ARNT: variants seen among roughly 807,000 people sequenced by gnomAD.
The protein encoded by ARNT is class E basic helix-loop-helix protein 2.
In ARNT, 30 loss-of-function variants were observed where a neutral mutation model predicts 105.0. That is an observed-to-expected ratio of 0.29 (90% CI 0.21 to 0.39). The LOEUF (loss-of-function observed/expected upper bound fraction) is 0.39. Among genes scored for constraint, ARNT ranks in the 10% least tolerant of loss-of-function variants. The probability of loss-of-function intolerance (pLI) is 1.00; values close to 1 mark genes in which losing one functional copy is unlikely to be tolerated. For synonymous variants in ARNT, 304 were observed against 344.0 expected (o/e 0.88, Z 1.29); for missense variants, 748 against 978.7 (o/e 0.76, Z 3.15).
At chr1:150,871,174 C>T (rs1276992502) in intron 1 of ARNT, among the ~76,000 whole-genome samples, 1 of 151,914 alleles carries the variant, frequency 6.6e-6, no homozygotes, top group Admixed American at 6.6e-5. Flanking sequence ...ACTTAATTAT[C>T]CACTCCTTTC....
At chr1:150,845,107 G>A (rs369648560) in intron 4 of ARNT, among the ~76,000 whole-genome samples, 17 of 151,842 alleles carry the variant, frequency 1.1e-4, no homozygotes, top group Admixed American at 2.0e-4. Context: ...ACCACTCCCC[G>A]CCTCTTACTG....
chr1:150,823,792 C>T (rs1657616364), intron 13 of ARNT, among the ~76,000 whole-genome samples: 1 of 150,136 alleles, frequency 6.7e-6, no homozygotes, highest in South Asian at 2.1e-4. Context: ...CCTTGTGATC[C>T]GCCCGCCTCG....
At chr1:150,830,792 G>A (rs1255271409) in intron 10 of ARNT, among the ~76,000 whole-genome samples, 1 of 152,020 alleles carries the variant, frequency 6.6e-6, no homozygotes, top group Non-Finnish European at 1.5e-5. Flanking sequence ...CCTGTTTTTT[G>A]CATAGTTATA....
Position 150,816,414 on chromosome 1 carries a change from T to A in ARNT, c.1803-8A>T. On this transcript the variant is annotated splice_region_variant and splice_polypyrimidine_tract_variant and intron_variant, in intron 18 of 21. Coordinates refer to ENST00000358595, the MANE Select transcript of ARNT (RefSeq NM_001668.4). ...GGGGCTAGGCCACTATTCCTAGGAG[T>A]GAATAAATGAGGTAAAAGATTAAAA... The A allele has an allele frequency of 6.3e-7, 1 of 1,594,704 alleles. No homozygotes were observed. Among genetic ancestry groups the A allele is most frequent in the Non-Finnish European group, 8.5e-7 (1 of 1,174,044 alleles).
Position 150,814,202 on chromosome 1 carries a change from G to A in ARNT, c.1988C>T (p.Ser663Phe). The A allele has an allele frequency of 6.2e-7, 1 of 1,614,146 alleles. No homozygotes were observed. Among genetic ancestry groups the A allele is most frequent in the South Asian group, 1.1e-5 (1 of 91,078 alleles). ...ATQATAKTRT[S>F]QFGVGSFQTP... ...CTGAAAGCTGCCCACACCAAACTGG[G>A]AAGTACGAGTCTTAGCAGTAGCCTG... is the stretch of plus-strand genomic sequence containing the variant. Residue 663 changes from serine to phenylalanine, a missense_variant, in exon 20 of 22, where the codon TCC becomes TTC. By Grantham distance (155) the Ser-to-Phe change is radical. Around this residue, in one of 4 missense-constraint regions of ARNT, gnomAD observed 360 missense variants for 411.9 expected, o/e 0.87. Transcript: ENST00000358595.
intron 3 of ARNT, among the ~76,000 whole-genome samples, chr1:150,851,996 C>T (rs1252416453): frequency 2.6e-5 from 4 of 150,950 alleles, no homozygotes; most frequent in African/African-American, 9.8e-5. Context: ...TGCAGTGAGC[C>T]GAGATTGCAC....
At chr1:150,865,383 A>T (rs1013525813) in intron 1 of ARNT, among the ~76,000 whole-genome samples, 1 of 152,216 alleles carries the variant, frequency 6.6e-6, no homozygotes, top group African/African-American at 2.4e-5. Context: ...GAGATCGACA[A>T]GAACTAAATC....
intron 1 of ARNT, among the ~76,000 whole-genome samples, chr1:150,875,181 C>A (rs1194008615): frequency 1.3e-5 from 2 of 151,938 alleles, no homozygotes; most frequent in South Asian, 2.1e-4. Flanking sequence ...CGGCATTTTT[C>A]CTGTTTTATA....
chr1:150,823,203 G>A lies in ARNT; in HGVS notation c.1385C>T (p.Thr462Ile), dbSNP rs1657478555. 4 of 1,608,700 alleles carry A rather than the reference G, an allele frequency of 2.5e-6. No homozygotes were observed. In the South Asian group the frequency reaches 4.4e-5, roughly 18 times the overall value. Residue 462 changes from threonine to isoleucine, a missense_variant, in exon 14 of 22, where the codon ACC becomes ATC. Physicochemically the swap from Thr to Ile is moderately conservative, Grantham distance 89. This residue lies in a region of ARNT where 360 missense variants were observed against 411.9 expected (regional missense o/e 0.87). Coordinates refer to ENST00000358595, the MANE Select transcript of ARNT (RefSeq NM_001668.4). ...CCTGTATAATACATACTTCACATTG[G>A]TGTTGGTACAGATGATGTACTCAAT... ...DEIEYIICTN[T>I]NVKNSSQEPR...
intron 10 of ARNT, 116 bp downstream of exon 10, chr1:150,831,702 T>C (rs1659381148): frequency 8.9e-6 from 6 of 673,942 alleles, no homozygotes; most frequent in African/African-American, 1.9e-5. Flanking sequence ...CTATTTTCTT[T>C]CATCTTACAC....
chr1:150,827,875 T>C (rs587618470), intron 12 of ARNT, among the ~76,000 whole-genome samples: 67 of 152,324 alleles, frequency 4.4e-4, no homozygotes, highest in Non-Finnish European at 9.1e-4. Flanking sequence ...GGGTATATAG[T>C]GGTATCTCAT....
At chr1:150,838,987 A>T (rs912597315) in intron 6 of ARNT, among the ~76,000 whole-genome samples, 4 of 152,196 alleles carry the variant, frequency 2.6e-5, no homozygotes, top group Non-Finnish European at 5.9e-5. Context: ...TAGTGATCAC[A>T]TGTAACAGAG....
Position 150,813,287 on chromosome 1 carries a change from C to G in ARNT, c.2165G>C (p.Gly722Ala). ...CTGCCACTGTGGCCAGACACCCACA[C>G]CCTCTGCTGTCCGTGTCTGGAATTG... ...AGQFQTRTAE[G>A]VGVWPQWQGQ... Residue 722 changes from glycine (G) to alanine (A), a missense_variant, in exon 21 of 22, where the codon GGT becomes GCT. Physicochemically the swap from Gly to Ala is moderately conservative, Grantham distance 60. Transcript: ENST00000358595. 3 of 1,613,878 alleles carry G rather than the reference C, an allele frequency of 1.9e-6. No homozygotes were observed. Among genetic ancestry groups the G allele is most frequent in the Non-Finnish European group, 2.5e-6 (3 of 1,179,914 alleles).
intron 14 of ARNT, among the ~76,000 whole-genome samples, chr1:150,820,035 A>C (rs1656736231): frequency 6.6e-6 from 1 of 152,242 alleles, no homozygotes; most frequent in African/African-American, 2.4e-5. Flanking sequence ...CTATGCTCTA[A>C]AGAAAACTGA....
Position 150,810,612 on chromosome 1 carries a change from G to A in ARNT, c.*1409C>T, listed in dbSNP as rs1406675806. On this transcript the variant is annotated 3_prime_UTR_variant, in exon 22 of 22. Transcript: ENST00000358595. ...CTCATTAATTCAGTCTTGCACTTTA[G>A]CTACTGGCCAAAGCCAATTTAAAAA... is the stretch of plus-strand genomic sequence containing the variant. 4.8e-6 allele frequency: 1 copy of A among 207,446 alleles called. No individual in the cohort carries two copies. Among genetic ancestry groups the A allele is most frequent in the Non-Finnish European group, 9.7e-6 (1 of 103,210 alleles). 12.9% of individuals were successfully genotyped at this position (207,446 alleles called of 1,614,324 possible).
chr1:150,864,901 GA>G (rs1666305493), intron 1 of ARNT, among the ~76,000 whole-genome samples: 1 of 98,972 alleles, frequency 1.0e-5, no homozygotes, highest in South Asian at 3.1e-4. Flanking sequence ...AAAAAAAAAA[GA>G]AAGAAAAAGA....
rs777818784 is a variant in ARNT, at chr1:150,812,011, C to T, written c.*10G>A. 2.0e-6 allele frequency: 3 copies of T among 1,514,108 alleles called. No homozygotes were observed. The highest frequency in any genetic ancestry group is 2.6e-5 in the South Asian group (2 of 77,434). 93.8% of individuals were successfully genotyped at this position (1,514,108 alleles called of 1,614,324 possible). On this transcript the variant is annotated 3_prime_UTR_variant, in exon 22 of 22. Transcript: ENST00000358595. ...TTTCTCCCCCACCCCTTATCCTCAC[C>T]CCAATAGTTCTATTCTGAAAAGGGG...
chr1:150,828,341 T>G (rs1005709419), intron 12 of ARNT, among the ~76,000 whole-genome samples: 11 of 65,674 alleles, frequency 1.7e-4, no homozygotes, highest in African/African-American at 4.3e-4. Flanking sequence ...TGGGTGTGGT[T>G]TTTTTTTTGT....
chr1:150,874,818 T>C (rs1195786833), intron 1 of ARNT, among the ~76,000 whole-genome samples: 1 of 152,192 alleles, frequency 6.6e-6, no homozygotes, highest in Non-Finnish European at 1.5e-5. Flanking sequence ...CAAAGCTGTT[T>C]CATTAACAAG....
Sources: allele counts gnomAD v4.1 joint callset (sites outside exome capture counted in the v4.1 genomes callset), GRCh38; gene constraint gnomAD v4.1.1; regional missense constraint gnomAD v4.1.1; transcripts MANE v1.5; gene names NCBI Gene and HGNC (gene_info 2026-07-23, HGNC 2026-07-21).